Variants in LRRC37A observed in about 807,000 individuals in gnomAD.
The protein encoded by LRRC37A is leucine-rich repeat-containing protein 37A.
LRRC37A carries 3 observed loss-of-function variants against 35.4 expected under a neutral mutation model. The observed-to-expected ratio is 0.08, with a 90% CI of 0.04 to 0.22. LRRC37A has a LOEUF of 0.22. Ranked by LOEUF, LRRC37A falls within the 10% of genes least tolerant of loss-of-function variation. The pLI is 1.00. For synonymous variants in LRRC37A, 23 were observed against 215.0 expected (o/e 0.11, Z 7.81); for missense variants, 67 against 565.3 (o/e 0.12, Z 8.94).
At chr17:46,267,501 G>A in the LRRC37A span, 1 of 1,612,840 alleles carries the variant, frequency 6.2e-7, no homozygotes, top group South Asian at 1.1e-5. Flanking sequence ...AATAAACCGT[G>A]TCCAGAGTTT....
At chr17:46,323,640 G>A (rs1317117693) in intron 7 of LRRC37A, among the ~76,000 whole-genome samples, 2 of 99,166 alleles carry the variant, frequency 2.0e-5, no homozygotes, top group Non-Finnish European at 2.3e-5. Context: ...CAAGTGATCC[G>A]CCTGCCTCAG....
chr17:46,268,396 G>T, the LRRC37A span: 1 of 886,062 alleles, frequency 1.1e-6, no homozygotes, highest in Non-Finnish European at 1.5e-6. Flanking sequence ...TTCAACTTGT[G>T]CAGCAAGATA....
chr17:46,302,475 C>A lies in LRRC37A; in HGVS notation c.2682-163C>A, dbSNP rs1238785346. On this transcript the variant is annotated intron_variant, in intron 2 of 13. Transcript: ENST00000320254. Reference sequence around the variant, plus strand: ...TGTGGTGGTGGTGGAGAGAGATGGACACAAAAAGGAAAATATAAGAAAAGG... The same window carrying A: ...TGTGGTGGTGGTGGAGAGAGATGGAAACAAAAAGGAAAATATAAGAAAAGG... 1.2e-4 allele frequency among the ~76,000 whole-genome samples: 8 copies of A among 67,154 alleles called. 3 individuals carry two copies. The highest frequency in any genetic ancestry group is 3.5e-4 in the Non-Finnish European group (8 of 22,714). The allele number at this position is 67,154 out of a possible 152,430, so 44.1% of individuals were successfully genotyped here.
chr17:46,287,634 C>G, the LRRC37A span, among the ~76,000 whole-genome samples: 21,508 of 151,616 alleles, frequency 0.14, 1,889 homozygotes, highest in Non-Finnish European at 0.21. Flanking sequence ...GCATGGGCCA[C>G]TTTTTCAGTT....
At chr17:46,275,729 T>C in the LRRC37A span, among the ~76,000 whole-genome samples, 1 of 152,198 alleles carries the variant, frequency 6.6e-6, no homozygotes, top group Admixed American at 6.5e-5. Context: ...AGCATTACCA[T>C]TGTGGTGAAA....
At chr17:46,265,372 CCTT>C in the LRRC37A span, among the ~76,000 whole-genome samples, 20 of 143,750 alleles carry the variant, frequency 1.4e-4, no homozygotes, top group East Asian at 4.0e-4. Flanking sequence ...TCCTTCTTCT[CCTT>C]CTTCTTTTCT....
chr17:46,259,019 ATTTTTTTTTTTTTTTTTTT>A, the LRRC37A span, among the ~76,000 whole-genome samples: 10 of 79,450 alleles, frequency 1.3e-4, no homozygotes, highest in African/African-American at 5.0e-4. Flanking sequence ...CACCCGGCCT[ATTTTTTTTTTTTTTTTTTT>A]TTTTTTTTTT....
chr17:46,280,379 C>A, the LRRC37A span, among the ~76,000 whole-genome samples: 1 of 151,586 alleles, frequency 6.6e-6, no homozygotes, highest in Non-Finnish European at 1.5e-5. Context: ...CACAAAACAA[C>A]AGAAAAATTT....
chr17:46,258,055 T>C, the LRRC37A span, among the ~76,000 whole-genome samples: 16 of 150,554 alleles, frequency 1.1e-4, no homozygotes, highest in East Asian at 1.9e-3. Context: ...TGTAGTTCCT[T>C]ACTGAATATT....
At chr17:46,283,200 A>G in the LRRC37A span, among the ~76,000 whole-genome samples, 1 of 152,242 alleles carries the variant, frequency 6.6e-6, no homozygotes, top group Non-Finnish European at 1.5e-5. Flanking sequence ...TGACCATACC[A>G]ATTTATACCC....
the LRRC37A span, among the ~76,000 whole-genome samples, chr17:46,270,127 C>T: frequency 2.6e-5 from 4 of 152,174 alleles, no homozygotes; most frequent in South Asian, 4.1e-4. Flanking sequence ...AGATGACTGC[C>T]TAAAGAGAGA....
the LRRC37A span, among the ~76,000 whole-genome samples, chr17:46,280,600 G>A: frequency 1.6e-5 from 2 of 126,036 alleles, no homozygotes; most frequent in Non-Finnish European, 3.2e-5. Flanking sequence ...CCTGAGCAGA[G>A]TCTCACTCTG....
At chr17:46,253,349 C>T in the LRRC37A span, among the ~76,000 whole-genome samples, 1 of 151,984 alleles carries the variant, frequency 6.6e-6, no homozygotes, top group Non-Finnish European at 1.5e-5. Context: ...GACGGGGTGG[C>T]GGCCGGGCAG....
At chr17:46,262,743 C>A in the LRRC37A span, among the ~76,000 whole-genome samples, 1 of 151,154 alleles carries the variant, frequency 6.6e-6, no homozygotes, top group East Asian at 2.0e-4. Context: ...CGAGATCAAG[C>A]CATTGCACTC....
At chr17:46,278,600 C>G in the LRRC37A span, among the ~76,000 whole-genome samples, 3 of 151,676 alleles carry the variant, frequency 2.0e-5, no homozygotes, top group African/African-American at 7.3e-5. Flanking sequence ...GATGAGGTTT[C>G]ACCATCTTGG....
the LRRC37A span, among the ~76,000 whole-genome samples, chr17:46,277,718 C>G: frequency 6.6e-6 from 1 of 151,718 alleles, no homozygotes; most frequent in Non-Finnish European, 1.5e-5. Flanking sequence ...GGGATCTCAG[C>G]TCACTGCAAC....
the LRRC37A span, chr17:46,268,760 C>A: frequency 8.6e-7 from 1 of 1,161,778 alleles, no homozygotes; most frequent in Non-Finnish European, 1.2e-6. Context: ...GGTCTATCTT[C>A]ATGTAATGGG....
chr17:46,259,593 G>A, the LRRC37A span: 1 of 1,612,362 alleles, frequency 6.2e-7, no homozygotes, highest in Non-Finnish European at 8.5e-7. Flanking sequence ...CAGACCACAG[G>A]AGGTTGGCCC....
chr17:46,275,545 A>C, the LRRC37A span: 14 of 532,084 alleles, frequency 2.6e-5, no homozygotes, highest in South Asian at 2.3e-4. Flanking sequence ...TTGGCAAGCG[A>C]ATAGAAAAGA....
Sources: gnomAD v4.1 joint callset for allele counts (sites outside exome capture counted in the v4.1 genomes callset) on GRCh38, gnomAD v4.1.1 for gene constraint, MANE v1.5 for transcripts, NCBI Gene and HGNC (gene_info 2026-07-23, HGNC 2026-07-21) for gene names.